RHOA: variants seen among roughly 807,000 people sequenced by gnomAD.
RHOA encodes ras homolog family member A.
Under a neutral mutation model 17.5 loss-of-function variants are expected in RHOA, and 3 were observed. That is an observed-to-expected ratio of 0.17 (90% CI 0.08 to 0.44). RHOA has a LOEUF of 0.44. Ranked by LOEUF, RHOA falls within the 20% of genes least tolerant of loss-of-function variation. The pLI, the probability that RHOA is intolerant of heterozygous loss-of-function variation, is 0.99. For synonymous variants in RHOA, 98 were observed against 88.4 expected (o/e 1.11, Z -0.61); for missense variants, 56 against 242.3 (o/e 0.23, Z 5.10).
intron 1 of RHOA, among the ~76,000 whole-genome samples, chr3:49,398,852 A>AG: frequency 8.3e-6 from 1 of 120,178 alleles, no homozygotes; most frequent in Non-Finnish European, 2.0e-5. Context: ...AAAAAAAAAA[A>AG]AAAAAAAAAA....
intron 2 of RHOA, 23 bp from the exon 3 acceptor site, chr3:49,368,571 A>T: frequency 6.2e-7 from 1 of 1,613,846 alleles, no homozygotes; most frequent in Non-Finnish European, 8.5e-7. Context: ...AAACAACCAC[A>T]AGAGTGCAAG....
At chr3:49,373,458 T>A (rs1284154464) in intron 2 of RHOA, 1 of 154,710 alleles carries the variant, frequency 6.5e-6, no homozygotes, top group Non-Finnish European at 1.5e-5. Context: ...AAAATGAGAA[T>A]GTTGGAGAAG....
chr3:49,391,207 C>G (rs2048497134), intron 1 of RHOA, among the ~76,000 whole-genome samples: 1 of 132,354 alleles, frequency 7.6e-6, no homozygotes, highest in African/African-American at 2.7e-5. Flanking sequence ...GACAGAGCAA[C>G]GCCGTCTCAA....
intron 1 of RHOA, among the ~76,000 whole-genome samples, chr3:49,402,625 G>C (rs1270067176): frequency 6.6e-6 from 1 of 152,072 alleles, no homozygotes; most frequent in Admixed American, 6.6e-5. Context: ...AGTGAGCCAC[G>C]ATAGCACCAC....
chr3:49,386,858 A>G (rs1269888077), intron 1 of RHOA, among the ~76,000 whole-genome samples: 7 of 152,022 alleles, frequency 4.6e-5, no homozygotes, highest in Non-Finnish European at 7.4e-5. Flanking sequence ...CACGCCTGTA[A>G]TCCCAGCACT....
intron 4 of RHOA, 125 bp from the exon 5 acceptor site, chr3:49,360,507 G>A (rs1034010755): frequency 1.0e-4 from 103 of 1,031,392 alleles, no homozygotes; most frequent in Non-Finnish European, 1.2e-4. Context: ...CTCGTCGGTC[G>A]CCCAGGCTGG....
At chr3:49,364,958 A>C (rs926334749) in intron 3 of RHOA, among the ~76,000 whole-genome samples, 1 of 152,146 alleles carries the variant, frequency 6.6e-6, no homozygotes, top group African/African-American at 2.4e-5. Context: ...TGACAAGAGC[A>C]AAAGTCTGTC....
At chr3:49,388,003 TTC>T (rs1380508744) in intron 1 of RHOA, among the ~76,000 whole-genome samples, 1 of 151,584 alleles carries the variant, frequency 6.6e-6, no homozygotes, top group Non-Finnish European at 1.5e-5. Context: ...GGGGATGGCT[TTC>T]TCTTTTTTTT....
At chr3:49,397,698 GC>G (rs2048640988) in intron 1 of RHOA, among the ~76,000 whole-genome samples, 1 of 152,066 alleles carries the variant, frequency 6.6e-6, no homozygotes, top group Non-Finnish European at 1.5e-5. Flanking sequence ...ATGCAGGAGA[GC>G]AGAGAACTGC....
chr3:49,396,600 G>A (rs1436989546), intron 1 of RHOA, among the ~76,000 whole-genome samples: 1 of 152,034 alleles, frequency 6.6e-6, no homozygotes, highest in Admixed American at 6.6e-5. Flanking sequence ...CCAGCTACTC[G>A]GGAGGCTGAG....
intron 1 of RHOA, among the ~76,000 whole-genome samples, chr3:49,408,951 C>A (rs989703668): frequency 9.2e-5 from 14 of 152,020 alleles, no homozygotes; most frequent in African/African-American, 3.4e-4. Flanking sequence ...CGCCACCACA[C>A]CCAGCTAATT....
intron 1 of RHOA, among the ~76,000 whole-genome samples, chr3:49,411,531 G>A (rs2048935402): frequency 6.6e-6 from 1 of 152,090 alleles, no homozygotes; most frequent in Non-Finnish European, 1.5e-5. Context: ...GAAGCTCCGG[G>A]GACCGAGGGC....
chr3:49,399,592 C>CT (rs1444395676), intron 1 of RHOA, among the ~76,000 whole-genome samples: 23 of 146,594 alleles, frequency 1.6e-4, no homozygotes, highest in Admixed American at 1.4e-4. Flanking sequence ...TTTTTTTTTT[C>CT]CCCCAGAAAG....
At position 49,375,611 on chromosome 3, in the gene RHOA, T is replaced by C. The variant is rs758873233; in HGVS notation, c.-2-20A>G. ...CCATTGCTGAAACACAAAACACAGA[T>C]ATTACCTGCAATGCACAAGAAGTCA... On this transcript the variant is annotated intron_variant, in intron 1 of 4. Coordinates refer to ENST00000418115, the MANE Select transcript of RHOA (RefSeq NM_001664.4). 3 of 1,610,660 alleles carry C rather than the reference T, an allele frequency of 1.9e-6. No individual in the cohort carries two copies. The highest frequency in any genetic ancestry group is 1.1e-5 in the South Asian group (1 of 90,668).
intron 2 of RHOA, 65 bp from the exon 3 acceptor site, chr3:49,368,613 G>A (rs2048096484): frequency 6.3e-7 from 1 of 1,582,876 alleles, no homozygotes. Context: ...TAGAAAAAGT[G>A]ACACTTACCA....
chr3:49,411,135 T>G (rs2048926567), intron 1 of RHOA, among the ~76,000 whole-genome samples: 1 of 152,152 alleles, frequency 6.6e-6, no homozygotes, highest in African/African-American at 2.4e-5. Context: ...TCATTTACAG[T>G]TTTGTGTGTT....
chr3:49,391,148 G>A (rs1043769690), intron 1 of RHOA, among the ~76,000 whole-genome samples: 2 of 151,376 alleles, frequency 1.3e-5, no homozygotes, highest in Non-Finnish European at 2.9e-5. Context: ...TACCCGGGAG[G>A]CAGAGGTTGC....
intron 1 of RHOA, among the ~76,000 whole-genome samples, chr3:49,381,906 T>C (rs1242482001): frequency 6.7e-6 from 1 of 149,404 alleles, no homozygotes; most frequent in African/African-American, 2.5e-5. Flanking sequence ...CCAGTTAGAG[T>C]CAAGTGTGGC....
At chr3:49,381,024 A>T (rs1575658593) in intron 1 of RHOA, among the ~76,000 whole-genome samples, 3 of 151,894 alleles carry the variant, frequency 2.0e-5, no homozygotes, top group Admixed American at 2.0e-4. Context: ...AAAAGGGAGT[A>T]AATTGAAGAT....
Sources: allele counts gnomAD v4.1 joint callset (sites outside exome capture counted in the v4.1 genomes callset), GRCh38; gene constraint gnomAD v4.1.1; transcripts MANE v1.5; gene names NCBI Gene and HGNC (gene_info 2026-07-23, HGNC 2026-07-21).